RBFOX1: variants seen among roughly 807,000 people sequenced by gnomAD.
The protein encoded by RBFOX1 is RNA binding protein fox-1 homolog 1.
Under a neutral mutation model 57.7 loss-of-function variants are expected in RBFOX1, and 8 were observed. The ratio of observed to expected loss-of-function variants is 0.14; its 90% CI spans 0.08 to 0.25. The LOEUF is 0.25. RBFOX1 is among the 10% of genes least tolerant of loss of function. The pLI, the probability that RBFOX1 is intolerant of heterozygous loss-of-function variation, is 1.00. For missense variants in RBFOX1, 611 were observed against 548.5 expected, an observed-to-expected ratio of 1.11 and a Z score of -1.14; for synonymous variants, 326 against 222.4, an observed-to-expected ratio of 1.47 and a Z score of -4.15.
At chr16:7,198,046 C>G (rs1226914850) in intron 4 of RBFOX1, among the ~76,000 whole-genome samples, 2 of 119,560 alleles carry the variant, frequency 1.7e-5, no homozygotes, top group Non-Finnish European at 3.2e-5. Flanking sequence ...TGCTCTGTCG[C>G]CCAGGCTGGA....
At chr16:7,127,558 C>A (rs538336315) in intron 4 of RBFOX1, among the ~76,000 whole-genome samples, 1 of 152,040 alleles carries the variant, frequency 6.6e-6, no homozygotes, top group African/African-American at 2.4e-5. Context: ...TATGCACGAG[C>A]GTGCATGTGT....
chr16:5,553,596 T>A (rs934254518), intron 2 of RBFOX1, among the ~76,000 whole-genome samples: 2 of 152,054 alleles, frequency 1.3e-5, no homozygotes, highest in Admixed American at 1.3e-4. Flanking sequence ...ATTATGGGCG[T>A]GAGCCACCAC....
At chr16:6,704,465 C>A (rs913271597) in intron 3 of RBFOX1, 1 of 152,316 alleles carries the variant, frequency 6.6e-6, no homozygotes, top group African/African-American at 2.4e-5. Context: ...GGACTTTCCT[C>A]TTCACAGCAG....
chr16:6,800,693 G>A (rs779480413), intron 3 of RBFOX1, among the ~76,000 whole-genome samples: 3 of 152,008 alleles, frequency 2.0e-5, no homozygotes, highest in African/African-American at 4.8e-5. Flanking sequence ...GAGTAGGCCC[G>A]TGGACGTTCA....
chr16:6,563,853 T>G (rs969949179), intron 2 of RBFOX1, among the ~76,000 whole-genome samples: 1 of 151,790 alleles, frequency 6.6e-6, no homozygotes, highest in Admixed American at 6.6e-5. Context: ...TATATGTGTG[T>G]GTGTGTGTGT....
chr16:6,729,364 C>T (rs898803786), intron 3 of RBFOX1, among the ~76,000 whole-genome samples: 4 of 152,264 alleles, frequency 2.6e-5, no homozygotes, highest in African/African-American at 7.2e-5. Context: ...TTCAGTCATT[C>T]ACTCACTCAT....
intron 3 of RBFOX1, among the ~76,000 whole-genome samples, chr16:5,613,351 GGA>G (rs2047894202): frequency 6.6e-6 from 1 of 152,132 alleles, no homozygotes; most frequent in Non-Finnish European, 1.5e-5. Context: ...CTTGACAGAG[GGA>G]GGGTAAGTAG....
chr16:5,329,503 T>A (rs936918871), intron 1 of RBFOX1, among the ~76,000 whole-genome samples: 5 of 152,122 alleles, frequency 3.3e-5, no homozygotes, highest in African/African-American at 1.2e-4. Flanking sequence ...CCTCCAACAC[T>A]GGGGATTACA....
chr16:6,723,915 C>T (rs945312010), intron 3 of RBFOX1: 8 of 152,142 alleles, frequency 5.3e-5, no homozygotes, highest in African/African-American at 1.9e-4. Flanking sequence ...AGTCATGATC[C>T]ATCAGGAAAA....
intron 1 of RBFOX1, among the ~76,000 whole-genome samples, chr16:5,388,607 C>A (rs905841618): frequency 6.6e-6 from 1 of 151,972 alleles, no homozygotes; most frequent in Non-Finnish European, 1.5e-5. Context: ...GACAGAGTCT[C>A]GCTCTGTCAC....
intron 4 of RBFOX1, among the ~76,000 whole-genome samples, chr16:7,156,448 T>C (rs1047622587): frequency 7.9e-5 from 12 of 152,156 alleles, no homozygotes; most frequent in Non-Finnish European, 1.3e-4. Flanking sequence ...GATATGCATA[T>C]ATGTGTACAT....
At chr16:7,111,756 C>CTTT (rs60574147) in intron 4 of RBFOX1, among the ~76,000 whole-genome samples, 1 of 147,936 alleles carries the variant, frequency 6.8e-6, no homozygotes, top group East Asian at 2.0e-4. Context: ...TTATTTTGTA[C>CTTT]TTTTTTTTTT....
chr16:6,265,932 C>G (rs1173897004), intron 1 of RBFOX1, among the ~76,000 whole-genome samples: 6 of 152,284 alleles, frequency 3.9e-5, no homozygotes, highest in East Asian at 1.9e-4. Context: ...CATGCAGCAT[C>G]CTTCCTGGTA....
chr16:6,970,201 CAAAA>C (rs1279447790), intron 3 of RBFOX1, among the ~76,000 whole-genome samples: 4 of 151,586 alleles, frequency 2.6e-5, no homozygotes, highest in African/African-American at 7.3e-5. Context: ...AAGAAAGAAA[CAAAA>C]AACCCCAAAA....
intron 4 of RBFOX1, among the ~76,000 whole-genome samples, chr16:7,365,701 A>G (rs2097429708): frequency 6.6e-6 from 1 of 152,220 alleles, no homozygotes; most frequent in Non-Finnish European, 1.5e-5. Flanking sequence ...ACAGTACAGA[A>G]TTATAGCACC....
chr16:5,659,291 C>T (rs534562862), intron 3 of RBFOX1, among the ~76,000 whole-genome samples: 38 of 150,856 alleles, frequency 2.5e-4, no homozygotes, highest in African/African-American at 9.0e-4. Flanking sequence ...TGTTTGTTGG[C>T]CATTGGTATA....
At chr16:6,840,107 C>G (rs564141926) in intron 3 of RBFOX1, among the ~76,000 whole-genome samples, 7 of 152,238 alleles carry the variant, frequency 4.6e-5, no homozygotes, top group African/African-American at 1.4e-4. Context: ...ACTGAATTGA[C>G]TTGCTTGCTT....
intron 1 of RBFOX1, among the ~76,000 whole-genome samples, chr16:6,275,803 T>C (rs2075743169): frequency 6.6e-6 from 1 of 152,220 alleles, no homozygotes; most frequent in Admixed American, 6.5e-5. Context: ...ATTAGTATGA[T>C]AAAGGTAACT....
In RBFOX1 at chr16:7,711,268, T is replaced by TG. The variant is rs2083965488; in HGVS notation, c.*524dup. The stretch of plus-strand genomic sequence containing the variant: ...TAACTGATGAATCTAAACGACCCAC[T>TG]GCACCAACAATCATTTATCAATGGT... On this transcript the variant is annotated 3_prime_UTR_variant, in exon 16 of 16. Coordinates refer to ENST00000550418, the MANE Select transcript of RBFOX1 (RefSeq NM_018723.4). 6.6e-6 allele frequency: 1 copy of TG among 152,458 alleles called. No homozygotes were observed. The highest frequency in any genetic ancestry group is 1.9e-4 in the East Asian group (1 of 5,174). The allele number at this position is 152,458 out of a possible 1,614,324, so 9.4% of individuals were successfully genotyped here. A position where few individuals can be genotyped will look rare whatever the true frequency, so the allele number is the denominator to read the frequency against.
Sources: gnomAD v4.1 joint callset for allele counts (sites outside exome capture counted in the v4.1 genomes callset) on GRCh38, gnomAD v4.1.1 for gene constraint, MANE v1.5 for transcripts, NCBI Gene and HGNC (gene_info 2026-07-23, HGNC 2026-07-21) for gene names.